The following INPP4B variants were observed in gnomAD, a reference collection of about 807,000 sequenced individuals.
INPP4B encodes inositol polyphosphate-4-phosphatase type II B.
INPP4B carries 55 observed loss-of-function variants against 122.5 expected under a neutral mutation model. The observed-to-expected ratio is 0.45, with a 90% CI of 0.36 to 0.56. INPP4B has a LOEUF of 0.56. Among genes scored for constraint, INPP4B ranks in the 20% least tolerant of loss-of-function variants. The pLI is 0.00. For synonymous variants in INPP4B, 403 were observed against 388.7 expected, an observed-to-expected ratio of 1.04 and a Z score of -0.43; for missense variants, 1,000 against 1,097.7, an observed-to-expected ratio of 0.91 and a Z score of 1.26.
chr4:142,432,608 A>C (rs1809565668), intron 3 of INPP4B, among the ~76,000 whole-genome samples: 1 of 152,076 alleles, frequency 6.6e-6, no homozygotes, highest in Admixed American at 6.6e-5. Context: ...TTTACCATTA[A>C]ATTTAGAAGT....
At chr4:142,210,046 A>T (rs1179080198) in intron 12 of INPP4B, among the ~76,000 whole-genome samples, 1 of 152,108 alleles carries the variant, frequency 6.6e-6, no homozygotes, top group Non-Finnish European at 1.5e-5. Flanking sequence ...TATAGTGATA[A>T]ATGGTCCAAT....
intron 2 of INPP4B, among the ~76,000 whole-genome samples, chr4:142,708,345 A>C (rs915219779): frequency 6.6e-6 from 1 of 152,212 alleles, no homozygotes; most frequent in African/African-American, 2.4e-5. Flanking sequence ...AGAAATTTGC[A>C]TAGGTAAAGA....
chr4:142,351,450 T>A (rs1781908118), intron 7 of INPP4B, among the ~76,000 whole-genome samples: 1 of 151,996 alleles, frequency 6.6e-6, no homozygotes, highest in African/African-American at 2.4e-5. Flanking sequence ...TGGTTTCTGT[T>A]CCCTGATGGA....
chr4:142,037,178 ATTTAT>A (rs920347834), intron 25 of INPP4B, among the ~76,000 whole-genome samples: 2 of 152,176 alleles, frequency 1.3e-5, no homozygotes, highest in African/African-American at 4.8e-5. Context: ...TTTTTTATTT[ATTTAT>A]TTAAGACCCG....
At chr4:142,708,755 A>G (rs1762765574) in intron 2 of INPP4B, among the ~76,000 whole-genome samples, 1 of 152,182 alleles carries the variant, frequency 6.6e-6, no homozygotes, top group African/African-American at 2.4e-5. Flanking sequence ...AATCTCTACT[A>G]GGGCAATATG....
At chr4:142,182,276 C>T (rs1251728427) in intron 15 of INPP4B, among the ~76,000 whole-genome samples, 2 of 152,044 alleles carry the variant, frequency 1.3e-5, no homozygotes, top group African/African-American at 2.4e-5. Context: ...TGGCCGGGCA[C>T]GGTGGCTCAC....
chr4:142,232,872 G>C (rs967286566), intron 12 of INPP4B, among the ~76,000 whole-genome samples: 3 of 152,148 alleles, frequency 2.0e-5, no homozygotes, highest in African/African-American at 2.4e-5. Flanking sequence ...CTGGATAGAA[G>C]ATCAAACCAG....
At chr4:142,461,574 C>G (rs1471638105) in intron 3 of INPP4B, among the ~76,000 whole-genome samples, 2 of 152,010 alleles carry the variant, frequency 1.3e-5, no homozygotes, top group Admixed American at 1.3e-4. Flanking sequence ...ACCAATGAAG[C>G]AATCAGATTT....
At chr4:142,776,239 T>A (rs551018963) in intron 1 of INPP4B, among the ~76,000 whole-genome samples, 1 of 152,118 alleles carries the variant, frequency 6.6e-6, no homozygotes, top group Non-Finnish European at 1.5e-5. Flanking sequence ...ACAAGTTGAG[T>A]GTAGCTCATA....
At chr4:142,577,112 C>A (rs1174277590) in intron 2 of INPP4B, among the ~76,000 whole-genome samples, 1 of 151,998 alleles carries the variant, frequency 6.6e-6, no homozygotes, top group Admixed American at 6.6e-5. Flanking sequence ...ATTCTTGTAT[C>A]CATACCAACC....
At chr4:142,488,344 G>A (rs997259381) in intron 2 of INPP4B, among the ~76,000 whole-genome samples, 3 of 151,988 alleles carry the variant, frequency 2.0e-5, no homozygotes, top group African/African-American at 7.2e-5. Flanking sequence ...GAGGGATAAT[G>A]GAATGTACTT....
chr4:142,350,758 A>G (rs1781705928), intron 7 of INPP4B, among the ~76,000 whole-genome samples: 1 of 152,022 alleles, frequency 6.6e-6, no homozygotes, highest in Admixed American at 6.6e-5. Flanking sequence ...GCAAAATTAT[A>G]CTTTACTTTT....
chr4:142,640,533 T>A (rs752232589), intron 2 of INPP4B, among the ~76,000 whole-genome samples: 1 of 151,916 alleles, frequency 6.6e-6, no homozygotes, highest in Non-Finnish European at 1.5e-5. Context: ...AAATATAATA[T>A]ACAGGGATAT....
chr4:142,418,126 T>C (rs1310688065), intron 5 of INPP4B, among the ~76,000 whole-genome samples: 1 of 152,114 alleles, frequency 6.6e-6, no homozygotes, highest in Non-Finnish European at 1.5e-5. Context: ...TGATTCTTCT[T>C]GTCAATTTTC....
chr4:142,112,035 C>T (rs6837581), intron 22 of INPP4B, among the ~76,000 whole-genome samples: 20,136 of 151,752 alleles, frequency 0.13, 1,505 homozygotes, highest in East Asian at 0.23. Flanking sequence ...TAAGCCACCA[C>T]GACCAGCAAA....
chr4:142,628,557 T>TA (rs35955830), intron 2 of INPP4B, among the ~76,000 whole-genome samples: 4,348 of 99,834 alleles, frequency 0.044, 221 homozygotes, highest in African/African-American at 0.14. Flanking sequence ...AAACTTAAAG[T>TA]AAAAAAAAAA....
At chr4:142,816,869 G>A (rs554893023) in intron 1 of INPP4B, among the ~76,000 whole-genome samples, 19 of 152,126 alleles carry the variant, frequency 1.2e-4, no homozygotes, top group Middle Eastern at 3.4e-3. Flanking sequence ...TATAATACAC[G>A]CTTTCAAATA....
chr4:142,337,407 T>C (rs1212954810), intron 7 of INPP4B, among the ~76,000 whole-genome samples: 3 of 151,942 alleles, frequency 2.0e-5, no homozygotes, highest in Non-Finnish European at 4.4e-5. Context: ...AAAATGGTTA[T>C]ATTATTTACC....
At chr4:142,328,678 A>T (rs2151504419) in intron 7 of INPP4B, among the ~76,000 whole-genome samples, 1 of 152,292 alleles carries the variant, frequency 6.6e-6, no homozygotes, top group South Asian at 2.1e-4. Context: ...AGCATGTGTT[A>T]TTTAACATAT....
Sources: gnomAD v4.1 joint callset for allele counts (sites outside exome capture counted in the v4.1 genomes callset) on GRCh38, gnomAD v4.1.1 for gene constraint, MANE v1.5 for transcripts, NCBI Gene and HGNC (gene_info 2026-07-23, HGNC 2026-07-21) for gene names.